FGF7: variants seen among roughly 807,000 people sequenced by gnomAD.
FGF7 encodes FGF-7.
A neutral mutation model predicts 20.5 loss-of-function variants in FGF7; 6 were observed. The ratio of observed to expected loss-of-function variants is 0.29; its 90% CI spans 0.16 to 0.58. FGF7 has a LOEUF of 0.58. FGF7 is among the 20% of genes least tolerant of loss of function. The probability of loss-of-function intolerance (pLI) is 0.90; values close to 1 mark genes in which losing one functional copy is unlikely to be tolerated. For missense variants in FGF7, 144 were observed against 228.8 expected (o/e 0.63, Z 2.39); for synonymous variants, 64 against 74.7 (o/e 0.86, Z 0.74).
At chr15:49,434,201 T>C (rs776374615) in intron 2 of FGF7, among the ~76,000 whole-genome samples, 8 of 151,714 alleles carry the variant, frequency 5.3e-5, no homozygotes, top group Non-Finnish European at 8.9e-5. Context: ...GCAGCTCTCA[T>C]AGGAAGGTCA....
intron 2 of FGF7, among the ~76,000 whole-genome samples, chr15:49,471,464 C>T (rs1382262653): frequency 6.7e-6 from 1 of 148,478 alleles, no homozygotes; most frequent in African/African-American, 2.5e-5. Context: ...GCCTGAGCTA[C>T]AGAGTGAGAC....
chr15:49,485,683 C>A lies in FGF7; in HGVS notation c.*1179C>A, dbSNP rs1004767045. 2.0e-5 allele frequency: 3 copies of A among 152,324 alleles called. No homozygotes were observed. The highest frequency in any genetic ancestry group is 2.9e-5 in the Non-Finnish European group (2 of 67,958). The allele number at this position is 152,324 out of a possible 1,614,324, so 9.4% of individuals were successfully genotyped here. A position where few individuals can be genotyped will look rare whatever the true frequency, so the allele number is the denominator to read the frequency against. On this transcript the variant is annotated 3_prime_UTR_variant, in exon 4 of 4. Transcript: ENST00000267843. ...AATAGATGTCTCACACAGAACAATA[C>A]AAATATGTAAAAAATCTTTCACCAC...
rs2056475476 is a variant in FGF7, at chr15:49,487,287, T to G, written c.*2783T>G. On this transcript the variant is annotated 3_prime_UTR_variant, in exon 4 of 4. Coordinates refer to ENST00000267843, the MANE Select transcript of FGF7 (RefSeq NM_002009.4). ...GAGTAAGCCTTTTAAAAATGTTCTT[T>G]GAAAGATAAAATTAAATACATGAGT... 6.6e-6 allele frequency: 1 copy of G among 151,564 alleles called. No homozygotes were observed. The highest frequency in any genetic ancestry group is 1.5e-5 in the Non-Finnish European group (1 of 67,780). 9.4% of individuals were successfully genotyped at this position (151,564 alleles called of 1,614,324 possible). A position where few individuals can be genotyped will look rare whatever the true frequency, so the allele number is the denominator to read the frequency against.
intron 2 of FGF7, among the ~76,000 whole-genome samples, chr15:49,453,538 T>C (rs1351685143): frequency 6.6e-6 from 1 of 152,204 alleles, no homozygotes; most frequent in African/African-American, 2.4e-5. Flanking sequence ...TAGCCACATG[T>C]GGCACATGGC....
chr15:49,474,605 A>C (rs937191907), intron 2 of FGF7, among the ~76,000 whole-genome samples: 17 of 152,226 alleles, frequency 1.1e-4, no homozygotes, highest in African/African-American at 4.1e-4. Context: ...TAGCTATTTC[A>C]AGGAATAAAA....
intron 2 of FGF7, among the ~76,000 whole-genome samples, chr15:49,451,431 C>T (rs16962490): frequency 0.26 from 38,869 of 151,840 alleles, 5,329 homozygotes; most frequent in East Asian, 0.44. Flanking sequence ...GAAGTCTATG[C>T]ATTGCTGACA....
chr15:49,440,052 AT>A (rs1159509013), intron 2 of FGF7, among the ~76,000 whole-genome samples: 2 of 151,766 alleles, frequency 1.3e-5, no homozygotes, highest in East Asian at 3.9e-4. Context: ...CTAGTCTATT[AT>A]GCTTATTTTA....
intron 2 of FGF7, among the ~76,000 whole-genome samples, chr15:49,452,831 G>A (rs2052892898): frequency 6.6e-6 from 1 of 152,120 alleles, no homozygotes; most frequent in Non-Finnish European, 1.5e-5. Context: ...TAAGCACTCA[G>A]CAAACGTTAG....
chr15:49,425,417 T>TA (rs1478209822), intron 2 of FGF7: 1 of 152,028 alleles, frequency 6.6e-6, no homozygotes, highest in Non-Finnish European at 1.5e-5. Context: ...TCAATAGTAT[T>TA]AAATGTAATG....
chr15:49,484,452 A>T lies in FGF7; in HGVS notation c.533A>T (p.Lys178Ile). ...AAGGGGATTCCTGTAAGAGGAAAAA[A>T]AACGAAGAAAGAACAAAAAACAGCC... ...NQKGIPVRGKKTKKEQKTAHF... is the reference protein window; with the variant it reads ...NQKGIPVRGKITKKEQKTAHF... Residue 178 changes from lysine (K) to isoleucine (I), a missense_variant, in exon 4 of 4, where the codon AAA becomes ATA. Around this residue, in one of 2 missense-constraint regions of FGF7, gnomAD observed 56 missense variants for 125.4 expected, o/e 0.45. Transcript: ENST00000267843. 1.9e-6 allele frequency: 3 copies of T among 1,583,218 alleles called. No homozygotes were observed. Among genetic ancestry groups the T allele is most frequent in the Non-Finnish European group, 2.6e-6 (3 of 1,174,662 alleles).
At chr15:49,445,667 A>C (rs2052128641) in intron 2 of FGF7, among the ~76,000 whole-genome samples, 1 of 151,632 alleles carries the variant, frequency 6.6e-6, no homozygotes, top group Non-Finnish European at 1.5e-5. Context: ...ATGTCAATTG[A>C]AAGAAAAAAA....
chr15:49,462,704 C>T (rs569894136), intron 2 of FGF7, among the ~76,000 whole-genome samples: 67 of 152,198 alleles, frequency 4.4e-4, no homozygotes, highest in African/African-American at 1.6e-3. Flanking sequence ...TTCTCTCATT[C>T]AATTTATTTT....
chr15:49,447,763 C>T lies in FGF7; in HGVS notation c.286+23180C>T, dbSNP rs78135584. Among the ~76,000 whole-genome samples, 1,063 of 151,736 alleles carry T rather than the reference C, an allele frequency of 7.0e-3. 18 individuals are homozygous for T. Among genetic ancestry groups the T allele is most frequent in the African/African-American group, 0.024 (1,016 of 41,478 alleles). ...TGGAATGACTTTGTCCTCATTACTGCTTGCTCCAAACTAATTCAACTAACT... is the reference window on the plus strand; with the variant it reads ...TGGAATGACTTTGTCCTCATTACTGTTTGCTCCAAACTAATTCAACTAACT... On this transcript the variant is annotated intron_variant, in intron 2 of 3. Coordinates refer to ENST00000267843, the MANE Select transcript of FGF7 (RefSeq NM_002009.4).
rs946435975 is a variant in FGF7, at chr15:49,488,498, C to T, written c.*3994C>T. 2 of 151,932 alleles carry T rather than the reference C, an allele frequency of 1.3e-5. No individual in the cohort carries two copies. The highest frequency in any genetic ancestry group is 4.8e-5 in the African/African-American group (2 of 41,402). The allele number at this position is 151,932 out of a possible 1,614,324, so 9.4% of individuals were successfully genotyped here. ...ATCTGATTTCTCCATTCTCAAACTA[C>T]ACTTCTCAAGGAACCAGATATTTAC... On this transcript the variant is annotated 3_prime_UTR_variant, in exon 4 of 4. Coordinates refer to ENST00000267843, the MANE Select transcript of FGF7 (RefSeq NM_002009.4).
chr15:49,444,423 T>G (rs1391357905), intron 2 of FGF7, among the ~76,000 whole-genome samples: 1 of 151,768 alleles, frequency 6.6e-6, no homozygotes, highest in African/African-American at 2.4e-5. Context: ...AGAATATAGA[T>G]GATCACATAT....
At chr15:49,478,457 C>T (rs547944680) in intron 2 of FGF7, among the ~76,000 whole-genome samples, 83 of 151,876 alleles carry the variant, frequency 5.5e-4, no homozygotes, top group Admixed American at 3.1e-3. Context: ...GAATCTATAG[C>T]CTTAAACATA....
intron 2 of FGF7, among the ~76,000 whole-genome samples, chr15:49,429,600 G>T (rs1029778702): frequency 1.3e-5 from 2 of 151,790 alleles, no homozygotes; most frequent in African/African-American, 4.8e-5. Flanking sequence ...ATATTGAAAG[G>T]GTTGCCTTTC....
At chr15:49,438,085 G>A (rs2012344649) in intron 2 of FGF7, among the ~76,000 whole-genome samples, 1 of 151,514 alleles carries the variant, frequency 6.6e-6, no homozygotes, top group African/African-American at 2.4e-5. Context: ...GGTTTGTATG[G>A]GAATTAGTGT....
At position 49,424,247 on chromosome 15, in the gene FGF7, A is replaced by G; in HGVS notation, c.-51A>G. 6.6e-7 allele frequency: 1 copy of G among 1,521,310 alleles called. No individual in the cohort carries two copies. The highest frequency in any genetic ancestry group is 9.0e-7 in the Non-Finnish European group (1 of 1,106,600). 94.2% of individuals were successfully genotyped at this position (1,521,310 alleles called of 1,614,324 possible). ...ATGACCTAGGAGTAACAATCAACTC[A>G]AGATTCATTTTCATTATGTTATTCA... On this transcript the variant is annotated 5_prime_UTR_variant, in exon 2 of 4. Coordinates refer to ENST00000267843, the MANE Select transcript of FGF7 (RefSeq NM_002009.4).
Sources: allele counts gnomAD v4.1 joint callset (sites outside exome capture counted in the v4.1 genomes callset), GRCh38; gene constraint gnomAD v4.1.1; regional missense constraint gnomAD v4.1.1; transcripts MANE v1.5; gene names NCBI Gene and HGNC (gene_info 2026-07-23, HGNC 2026-07-21).